PRKN: variants seen among roughly 807,000 people sequenced by gnomAD.
PRKN encodes the protein E3 ubiquitin-protein ligase parkin.
PRKN carries 56 observed loss-of-function variants against 59.5 expected under a neutral mutation model. The observed-to-expected ratio is 0.94, with a 90% CI of 0.76 to 1.18. PRKN has a LOEUF of 1.18. Among genes scored for constraint, PRKN ranks in the 50% most tolerant of loss-of-function variants. The pLI is 0.00. For missense variants in PRKN, 657 were observed against 596.4 expected (o/e 1.10, Z -1.06); for synonymous variants, 250 against 222.1 (o/e 1.13, Z -1.12).
chr6:161,981,714 A>T (rs1781264462), intron 5 of PRKN, among the ~76,000 whole-genome samples: 1 of 152,214 alleles, frequency 6.6e-6, no homozygotes, highest in Non-Finnish European at 1.5e-5. Flanking sequence ...CAGTAACTGA[A>T]TTTATCAGTT....
chr6:161,794,635 C>T (rs1434229838), intron 6 of PRKN, among the ~76,000 whole-genome samples: 1 of 152,094 alleles, frequency 6.6e-6, no homozygotes, highest in Non-Finnish European at 1.5e-5. Flanking sequence ...GAATGTCTTT[C>T]CCTCTTTCCC....
At chr6:162,242,206 A>C (rs1372320766) in intron 3 of PRKN, among the ~76,000 whole-genome samples, 1 of 152,120 alleles carries the variant, frequency 6.6e-6, no homozygotes, top group African/African-American at 2.4e-5. Context: ...TCATGCACAC[A>C]CTGGGTGACC....
Position 161,432,399 on chromosome 6 carries a change from G to C in PRKN, c.1084-45522C>G, listed in dbSNP as rs1161259981. Among the ~76,000 whole-genome samples the C allele has an allele frequency of 2.9e-5, 3 of 104,788 alleles. No homozygotes were observed. In the East Asian group the frequency reaches 9.0e-4, roughly 32 times the overall value. 68.7% of individuals were successfully genotyped at this position (104,788 alleles called of 152,430 possible). A position where few individuals can be genotyped will look rare whatever the true frequency, so the allele number is the denominator to read the frequency against. On this transcript the variant is annotated intron_variant, in intron 9 of 11. Transcript: ENST00000366898. Reference sequence around the variant, plus strand: ...TTTTTTGAGACGAAGTCTCACTCTTGTCATCCAGGCTGGAGTTTAATGGCG... The same window carrying C: ...TTTTTTGAGACGAAGTCTCACTCTTCTCATCCAGGCTGGAGTTTAATGGCG...
intron 5 of PRKN, among the ~76,000 whole-genome samples, chr6:162,009,836 T>A (rs1188002410): frequency 6.6e-6 from 1 of 151,758 alleles, no homozygotes; most frequent in African/African-American, 2.4e-5. Context: ...CTCTGGAGGC[T>A]GAGGCATGAT....
chr6:162,666,306 T>C (rs913660812), intron 1 of PRKN, among the ~76,000 whole-genome samples: 2 of 152,078 alleles, frequency 1.3e-5, no homozygotes, highest in African/African-American at 4.8e-5. Flanking sequence ...AGTGAATAAA[T>C]ATCCTGGATT....
Position 161,566,603 on chromosome 6 carries a change from C to T in PRKN, c.933+2752G>A, listed in dbSNP as rs143244390. ...TGTATTTTTAGTAGAGACAGGGTTTCGCCATGTTGGTCAGGCTGGTCTCAG... is the reference window on the plus strand; with the variant it reads ...TGTATTTTTAGTAGAGACAGGGTTTTGCCATGTTGGTCAGGCTGGTCTCAG... On this transcript the variant is annotated intron_variant, in intron 8 of 11. Transcript: ENST00000366898. The surrounding 1 kb of genome is among the most constrained non-coding windows in gnomAD (Gnocchi z 4.1). Among the ~76,000 whole-genome samples, 4,722 of 152,188 alleles carry T rather than the reference C, an allele frequency of 0.031. 274 individuals carry two copies. The highest frequency in any genetic ancestry group is 0.11 in the African/African-American group (4,497 of 41,500).
chr6:161,618,230 CA>C (rs1442958554), intron 7 of PRKN, among the ~76,000 whole-genome samples: 1 of 152,196 alleles, frequency 6.6e-6, no homozygotes, highest in Non-Finnish European at 1.5e-5. Context: ...ATTCCCTAAG[CA>C]CAGCTCCCAT....
chr6:161,831,329 A>T (rs759245002), intron 6 of PRKN, among the ~76,000 whole-genome samples: 1 of 152,206 alleles, frequency 6.6e-6, no homozygotes, highest in Non-Finnish European at 1.5e-5. Flanking sequence ...ATTTGTCCAG[A>T]TGTATTTCTA....
intron 3 of PRKN, among the ~76,000 whole-genome samples, chr6:162,255,698 A>G (rs1779614095): frequency 6.6e-6 from 1 of 152,224 alleles, no homozygotes; most frequent in Non-Finnish European, 1.5e-5. Context: ...ACTTACTGCC[A>G]GTCGGCTTAG....
intron 2 of PRKN, among the ~76,000 whole-genome samples, chr6:162,438,740 T>C (rs577138415): frequency 1.3e-4 from 20 of 152,334 alleles, no homozygotes; most frequent in African/African-American, 4.8e-4. Flanking sequence ...TTTTAAGAAG[T>C]TGAATTACGT....
chr6:162,531,474 G>A (rs2803075), intron 1 of PRKN, among the ~76,000 whole-genome samples: 53,290 of 151,956 alleles, frequency 0.35, 11,169 homozygotes, highest in Middle Eastern at 0.51. Context: ...CTTGGTGGGT[G>A]GGGGGAAGCC....
chr6:162,681,916 C>T (rs1185117757), intron 1 of PRKN, among the ~76,000 whole-genome samples: 2 of 152,026 alleles, frequency 1.3e-5, no homozygotes, highest in Admixed American at 1.3e-4. Context: ...TCATTCTTTC[C>T]TTTCTTTGTT....
intron 1 of PRKN, among the ~76,000 whole-genome samples, chr6:162,545,611 A>T (rs1218732766): frequency 6.6e-6 from 1 of 152,214 alleles, no homozygotes; most frequent in Non-Finnish European, 1.5e-5. Context: ...ATTTCAAGTT[A>T]TAATTATGTT....
chr6:162,638,326 T>C (rs1352374040), intron 1 of PRKN, among the ~76,000 whole-genome samples: 4 of 152,182 alleles, frequency 2.6e-5, no homozygotes, highest in Non-Finnish European at 5.9e-5. Flanking sequence ...CTGTATACGC[T>C]TGTTCTGTGC....
At chr6:162,429,200 G>A (rs1789388927) in intron 2 of PRKN, among the ~76,000 whole-genome samples, 2 of 152,102 alleles carry the variant, frequency 1.3e-5, no homozygotes, top group South Asian at 4.1e-4. Flanking sequence ...AACTGGCTGG[G>A]GGCTCCCTGA....
intron 7 of PRKN, among the ~76,000 whole-genome samples, chr6:161,742,474 C>T (rs9364611): frequency 0.14 from 21,395 of 152,166 alleles, 1,994 homozygotes; most frequent in East Asian, 0.52. Flanking sequence ...GACTAATACA[C>T]TGGAATATTT....
intron 6 of PRKN, among the ~76,000 whole-genome samples, chr6:161,792,184 G>A (rs1008459112): frequency 6.6e-6 from 1 of 152,184 alleles, no homozygotes; most frequent in Non-Finnish European, 1.5e-5. Flanking sequence ...CCAAATTCCT[G>A]ACCTGCTGAA....
chr6:162,154,831 T>C (rs1362868204), intron 4 of PRKN, among the ~76,000 whole-genome samples: 1 of 152,108 alleles, frequency 6.6e-6, no homozygotes. Flanking sequence ...ATTTTTTATA[T>C]GAATGAAAAC....
chr6:162,279,457 CAA>C (rs944879579), intron 2 of PRKN, among the ~76,000 whole-genome samples: 1 of 150,790 alleles, frequency 6.6e-6, no homozygotes, highest in African/African-American at 2.4e-5. Flanking sequence ...GAGACAGAAA[CAA>C]AGAGAGAAGA....
Sources: gnomAD v4.1 joint callset for allele counts (sites outside exome capture counted in the v4.1 genomes callset) on GRCh38, gnomAD v4.1.1 for gene constraint, Gnocchi (gnomAD v3.1) non-coding constraint, MANE v1.5 for transcripts, NCBI Gene and HGNC (gene_info 2026-07-23, HGNC 2026-07-21) for gene names.